Variants in TTYH3 observed in about 807,000 individuals in gnomAD.
The protein encoded by TTYH3 is protein tweety homolog 3.
Under a neutral mutation model 68.2 loss-of-function variants are expected in TTYH3, and 23 were observed. That is an observed-to-expected ratio of 0.34 (90% confidence interval 0.24 to 0.48). The LOEUF (loss-of-function observed/expected upper bound fraction) is 0.48, where lower values mean the gene tolerates loss of function less well. Among genes scored for constraint, TTYH3 ranks in the 20% least tolerant of loss-of-function variants. TTYH3 has a pLI of 0.99. For missense variants in TTYH3, 768 were observed against 727.7 expected (o/e 1.06, Z -0.64); for synonymous variants, 360 against 332.8 (o/e 1.08, Z -0.89).
chr7:2,647,319 G>C, intron 3 of TTYH3, 66 bp downstream of exon 3: 1 of 1,521,998 alleles, frequency 6.6e-7, no homozygotes, highest in East Asian at 2.4e-5. Context: ...TCTGCGCGAG[G>C]ACGGGCGGGG....
chr7:2,658,581 C>T, intron 12 of TTYH3, 122 bp downstream of exon 12: 3 of 1,288,472 alleles, frequency 2.3e-6, no homozygotes, highest in South Asian at 3.0e-5. Flanking sequence ...GGCTGGGCAG[C>T]CCTGGCCTTG....
chr7:2,646,930 G>A lies in TTYH3; in HGVS notation c.201G>A (p.Trp67Ter). The A allele has an allele frequency of 1.2e-6, 2 of 1,601,398 alleles. No homozygotes were observed. Among genetic ancestry groups the A allele is most frequent in the Non-Finnish European group, 1.7e-6 (2 of 1,179,290 alleles). ...DLLFLLFYSF[W>*]LCCRRRKSEE... ...TCTTCCTGCTCTTCTACTCCTTCTGGCTGTGCTGCCGGCGGCGCAAGAGCG... is the reference window on the plus strand; with the variant it reads ...TCTTCCTGCTCTTCTACTCCTTCTGACTGTGCTGCCGGCGGCGCAAGAGCG... The change falls in exon 2 of 14, where the codon TGG becomes TGA. Residue 67 changes from tryptophan to a stop codon, truncating the protein, a stop_gained. Transcript: ENST00000258796. LOFTEE classifies it high-confidence loss of function.
intron 4 of TTYH3, 128 bp downstream of exon 4, chr7:2,647,766 T>A: frequency 8.8e-7 from 1 of 1,139,344 alleles, no homozygotes; most frequent in Non-Finnish European, 1.2e-6. Context: ...CCACTGGAGG[T>A]CACAGGCAGT....
intron 1 of TTYH3, among the ~76,000 whole-genome samples, chr7:2,635,727 C>T (rs1785639951): frequency 6.6e-6 from 1 of 152,230 alleles, no homozygotes; most frequent in South Asian, 2.1e-4. Context: ...TTCACTGGGA[C>T]ATCTGCCTTC....
chr7:2,649,719 C>A, intron 6 of TTYH3, 80 bp downstream of exon 6: 1 of 1,517,892 alleles, frequency 6.6e-7, no homozygotes, highest in Non-Finnish European at 8.9e-7. Context: ...ACACTCCTCT[C>A]CCCTCCCATC....
Position 2,632,023 on chromosome 7 carries a change from C to T in TTYH3, c.-133C>T, listed in dbSNP as rs1050153786. ...GCAGCCGAGCCGGGCCGAGCCGGGC[C>T]GGGCCGGGCCCAGGAGCGCGCGGAT... On this transcript the variant is annotated 5_prime_UTR_variant, in exon 1 of 14. Transcript: ENST00000258796. The T allele has an allele frequency of 2.6e-6, 2 of 761,030 alleles. No individual in the cohort carries two copies. The highest frequency in any genetic ancestry group is 1.9e-5 in the African/African-American group (1 of 52,576). The allele number at this position is 761,030 out of a possible 1,614,324, so 47.1% of individuals were successfully genotyped here.
At chr7:2,647,762 G>A (rs1447737697) in intron 4 of TTYH3, 124 bp downstream of exon 4, 3 of 1,157,284 alleles carry the variant, frequency 2.6e-6, no homozygotes, top group Middle Eastern at 2.0e-4. Context: ...AGGGCCACTG[G>A]AGGTCACAGG....
chr7:2,659,456 G>A (rs752161707), intron 13 of TTYH3, among the ~76,000 whole-genome samples: 8 of 152,220 alleles, frequency 5.3e-5, no homozygotes, highest in African/African-American at 1.9e-4. Context: ...GGGTGCCACC[G>A]CTCCAGTTCC....
chr7:2,634,269 T>C (rs1785600627), intron 1 of TTYH3, among the ~76,000 whole-genome samples: 1 of 152,170 alleles, frequency 6.6e-6, no homozygotes, highest in Non-Finnish European at 1.5e-5. Flanking sequence ...CTGCTTGGTG[T>C]CTCTGAGCCT....
In TTYH3 at chr7:2,649,953, C is replaced by A; in HGVS notation, c.836C>A (p.Thr279Asn). The change falls in exon 7 of 14, where the codon ACC (threonine) becomes AAC (asparagine). Residue 279 changes from threonine (T) to asparagine (N), a missense_variant. Coordinates refer to ENST00000258796, the MANE Select transcript of TTYH3 (RefSeq NM_025250.3). ...TGTGTGGACCCTGACGCCTACGTGA[C>A]CAAAATGGTGGAGGAGTACTCGGTG... is the stretch of plus-strand genomic sequence containing the variant. ...DFCVDPDAYV[T>N]KMVEEYSVLS... 6.2e-7 allele frequency: 1 copy of A among 1,613,996 alleles called. No individual in the cohort carries two copies. The highest frequency in any genetic ancestry group is 8.5e-7 in the Non-Finnish European group (1 of 1,179,954).
chr7:2,654,758 G>C (rs1786286651), intron 9 of TTYH3, among the ~76,000 whole-genome samples: 1 of 152,152 alleles, frequency 6.6e-6, no homozygotes, highest in Non-Finnish European at 1.5e-5. Context: ...GGGTGTCTGT[G>C]TCTTGATCTC....
At position 2,661,710 on chromosome 7, in the gene TTYH3, C is replaced by A. The variant is rs774645406; in HGVS notation, c.1543C>A (p.Pro515Thr). 6.2e-7 allele frequency: 1 copy of A among 1,611,880 alleles called. No homozygotes were observed. Among genetic ancestry groups the A allele is most frequent in the Non-Finnish European group, 8.5e-7 (1 of 1,179,534 alleles). ...AGCCAAATACCTCGCCACGAGCCAG[C>A]CTCGCCCTGACTCCAGCGGCAGCCA... is the stretch of plus-strand genomic sequence containing the variant. The part of the protein sequence containing the change: ...MRAKYLATSQ[P>T]RPDSSGSH Residue 515 changes from proline (P) to threonine (T), a missense_variant, in exon 14 of 14, where the codon CCT becomes ACT. Physicochemically the swap from Pro to Thr is conservative, Grantham distance 38. Coordinates refer to ENST00000258796, the MANE Select transcript of TTYH3 (RefSeq NM_025250.3).
At chr7:2,642,947 C>T (rs533431030) in intron 1 of TTYH3, among the ~76,000 whole-genome samples, 1 of 149,774 alleles carries the variant, frequency 6.7e-6, no homozygotes, top group African/African-American at 2.5e-5. Flanking sequence ...CCTGTAATCC[C>T]AGCTACTTGG....
rs909825412 is a variant in TTYH3 at position 2,661,993 on chromosome 7, C to A, written c.*254C>A. 5 of 594,414 alleles carry A rather than the reference C, an allele frequency of 8.4e-6. No individual in the cohort carries two copies. Among genetic ancestry groups the A allele is most frequent in the African/African-American group, 1.9e-5 (1 of 53,390 alleles). 36.8% of individuals were successfully genotyped at this position (594,414 alleles called of 1,614,324 possible). A position where few individuals can be genotyped will look rare whatever the true frequency, so the allele number is the denominator to read the frequency against. On this transcript the variant is annotated 3_prime_UTR_variant, in exon 14 of 14. Coordinates refer to ENST00000258796, the MANE Select transcript of TTYH3 (RefSeq NM_025250.3). ...CCGATGCCCCAGCCCTGCACGCCAC[C>A]CACTATCCCGGCACGCTCCCTCTGC...
intron 1 of TTYH3, among the ~76,000 whole-genome samples, chr7:2,633,099 C>T (rs1394030449): frequency 6.6e-6 from 1 of 152,098 alleles, no homozygotes; most frequent in African/African-American, 2.4e-5. Context: ...AGCACCACCC[C>T]CATCGCCAAG....
chr7:2,652,464 C>A (rs1399888547), intron 8 of TTYH3, among the ~76,000 whole-genome samples: 1 of 152,198 alleles, frequency 6.6e-6, no homozygotes, highest in African/African-American at 2.4e-5. Context: ...GGGACCTGCT[C>A]AATGCACCCG....
chr7:2,653,792 G>A (rs528972957), intron 9 of TTYH3, among the ~76,000 whole-genome samples: 1 of 152,364 alleles, frequency 6.6e-6, no homozygotes, highest in East Asian at 1.9e-4. Context: ...GAACCTGGGA[G>A]GCAGAGATTG....
chr7:2,641,736 G>A (rs1413543589), intron 1 of TTYH3, among the ~76,000 whole-genome samples: 1 of 152,254 alleles, frequency 6.6e-6, no homozygotes, highest in African/African-American at 2.4e-5. Context: ...CCGGTGCCCC[G>A]CAGGAGACCG....
chr7:2,648,200 G>A (rs1786055418), intron 5 of TTYH3, 146 bp downstream of exon 5: 1 of 694,330 alleles, frequency 1.4e-6, no homozygotes. Flanking sequence ...CACTGGGCCT[G>A]CTCTGAGATG....
Sources: allele counts gnomAD v4.1 joint callset (sites outside exome capture counted in the v4.1 genomes callset), GRCh38; gene constraint gnomAD v4.1.1; transcripts MANE v1.5; gene names NCBI Gene and HGNC (gene_info 2026-07-23, HGNC 2026-07-21).